Variants in B4GALNT3 observed in about 807,000 individuals in gnomAD.
B4GALNT3 encodes beta-1,4-N-acetylgalactosaminyltransferase 3.
B4GALNT3 carries 86 observed loss-of-function variants against 120.2 expected under a neutral mutation model. The ratio of observed to expected loss-of-function variants is 0.72; its 90% CI spans 0.60 to 0.86. The LOEUF (loss-of-function observed/expected upper bound fraction) is 0.86, where lower values mean the gene tolerates loss of function less well. Ranked by LOEUF, B4GALNT3 falls within the 40% of genes least tolerant of loss-of-function variation. The pLI is 0.00. For missense variants in B4GALNT3, 1,167 were observed against 1,298.9 expected (o/e 0.90, Z 1.56); for synonymous variants, 518 against 510.4 (o/e 1.01, Z -0.20).
Position 460,616 on chromosome 12 carries a change from C to T in B4GALNT3, c.169+71C>T. ...GCGGCGGCTCCTGCGTTGGGGGGAC[C>T]CGCCTCTCATCCCATCCTCAGACCC... On this transcript the variant is annotated intron_variant, in intron 1 of 19. Coordinates refer to ENST00000266383, the MANE Select transcript of B4GALNT3 (RefSeq NM_173593.4). The surrounding 1 kb of genome is among the most constrained non-coding windows in gnomAD (Gnocchi z 8.0). 2 of 1,257,816 alleles carry T rather than the reference C, an allele frequency of 1.6e-6. No homozygotes were observed. Among genetic ancestry groups the T allele is most frequent in the Non-Finnish European group, 2.0e-6 (2 of 983,412 alleles). 77.9% of individuals were successfully genotyped at this position (1,257,816 alleles called of 1,614,324 possible). A position where few individuals can be genotyped will look rare whatever the true frequency, so the allele number is the denominator to read the frequency against.
chr12:542,943 G>A (rs1370785653), intron 3 of B4GALNT3, among the ~76,000 whole-genome samples: 1 of 152,056 alleles, frequency 6.6e-6, no homozygotes, highest in Non-Finnish European at 1.5e-5. Context: ...AGGTTTCACC[G>A]GCAGACAGCT....
At chr12:468,436 C>G (rs1467948669) in intron 1 of B4GALNT3, among the ~76,000 whole-genome samples, 10 of 152,160 alleles carry the variant, frequency 6.6e-5, no homozygotes, top group African/African-American at 2.2e-4. Flanking sequence ...AAGAAGACTA[C>G]CAAAAGCTTA....
chr12:505,869 CCCTCTCCCATGAAGAGCCCT>C (rs2120554046), intron 1 of B4GALNT3, among the ~76,000 whole-genome samples: 1 of 152,314 alleles, frequency 6.6e-6, no homozygotes, highest in South Asian at 2.1e-4. Flanking sequence ...GGATTTTAAA[CCCTCTCCCATGAAGAGCCCT>C]AGATCAGTGA....
At chr12:514,984 C>T (rs1263305324) in intron 1 of B4GALNT3, among the ~76,000 whole-genome samples, 1 of 152,100 alleles carries the variant, frequency 6.6e-6, no homozygotes, top group African/African-American at 2.4e-5. Flanking sequence ...CACCACTGCA[C>T]TTGAGCCTGG....
intron 13 of B4GALNT3, 139 bp downstream of exon 13, chr12:552,667 A>G: frequency 1.4e-6 from 1 of 731,812 alleles, no homozygotes; most frequent in Non-Finnish European, 2.3e-6. Flanking sequence ...CTTCACACCC[A>G]AGGGAGTGGA....
chr12:489,916 C>T (rs1473922418), intron 1 of B4GALNT3, among the ~76,000 whole-genome samples: 1 of 152,192 alleles, frequency 6.6e-6, no homozygotes, highest in African/African-American at 2.4e-5. Flanking sequence ...AATGTCTGAT[C>T]TCAGACCACG....
intron 1 of B4GALNT3, among the ~76,000 whole-genome samples, chr12:503,952 C>CA (rs1380244621): frequency 6.6e-6 from 1 of 151,824 alleles, no homozygotes; most frequent in Non-Finnish European, 1.5e-5. Flanking sequence ...CCGTCTCTAC[C>CA]AAAAATACAA....
intron 9 of B4GALNT3, 119 bp from the exon 10 acceptor site, chr12:549,650 T>G (rs1292191532): frequency 7.6e-7 from 1 of 1,307,482 alleles, no homozygotes; most frequent in East Asian, 2.4e-5. Flanking sequence ...GCGCACATCC[T>G]ACACCGTCGC....
chr12:474,296 TG>T (rs34099643), intron 1 of B4GALNT3, among the ~76,000 whole-genome samples: 11 of 152,154 alleles, frequency 7.2e-5, no homozygotes, highest in African/African-American at 2.4e-4. Context: ...TATGGGGGGA[TG>T]GGGGATGTCC....
Position 460,879 on chromosome 12 carries a change from C to A in B4GALNT3, c.169+334C>A, listed in dbSNP as rs945240301. On this transcript the variant is annotated intron_variant, in intron 1 of 19. Coordinates refer to ENST00000266383, the MANE Select transcript of B4GALNT3 (RefSeq NM_173593.4). The surrounding 1 kb of genome is among the most constrained non-coding windows in gnomAD (Gnocchi z 8.0). ...CTGGCGGAGACCGGGCCCCTCCAGC[C>A]GCTCCGGGCTTGCGGTTCCCGGGGA... is the stretch of plus-strand genomic sequence containing the variant. Among the ~76,000 whole-genome samples, 1 of 152,138 alleles carries A rather than the reference C, an allele frequency of 6.6e-6. No individual in the cohort carries two copies. The highest frequency in any genetic ancestry group is 1.5e-5 in the Non-Finnish European group (1 of 68,004).
At chr12:531,196 A>C (rs926177234) in intron 1 of B4GALNT3, among the ~76,000 whole-genome samples, 2 of 151,716 alleles carry the variant, frequency 1.3e-5, no homozygotes, top group African/African-American at 4.8e-5. Flanking sequence ...AATGCACAGC[A>C]CAGCGCCTGA....
rs1298108154 is a variant in B4GALNT3, at chr12:558,523, A to G, written c.2623A>G (p.Ile875Val). Reference protein sequence around the residue: ...IDLVKDPHSIIFLCDLHIHFP... With the variant: ...IDLVKDPHSIVFLCDLHIHFP... The stretch of plus-strand genomic sequence containing the variant: ...CTGTCCCCAGGACCCGCACAGCATC[A>G]TCTTCCTCTGTGACCTCCACATCCA... Residue 875 changes from isoleucine (I) to valine (V), a missense_variant, in exon 18 of 20, where the codon ATC becomes GTC. This residue lies in a region of B4GALNT3 where 983 missense variants were observed against 1,102.5 expected (regional missense o/e 0.89). Transcript: ENST00000266383. 1.9e-6 allele frequency: 3 copies of G among 1,614,104 alleles called. No individual in the cohort carries two copies. Among genetic ancestry groups the G allele is most frequent in the South Asian group, 1.1e-5 (1 of 91,082 alleles).
rs1178377380 is a variant in B4GALNT3 at position 553,726 on chromosome 12, A to G, written c.1803A>G (p.Gly601=). Residue 601 remains glycine, a synonymous_variant, in exon 14 of 20, where the codon GGA becomes GGG. Transcript: ENST00000266383. ...TGGTGGCGGCCGCAGGCCAGGAAGG[A>G]CAAGTGGAGGGAGAGGAAGAGGGGG... ...EEVVAAAGQE[G]QVEGEEEGEE... 1.9e-6 allele frequency: 3 copies of G among 1,614,136 alleles called. No homozygotes were observed. The highest frequency in any genetic ancestry group is 2.5e-6 in the Non-Finnish European group (3 of 1,179,976).
chr12:500,134 CT>C lies in B4GALNT3; in HGVS notation c.170-35022del, dbSNP rs11404066. The stretch of plus-strand genomic sequence containing the variant: ...ATGCACAAACTTTTAGGAGAAGCAG[CT>C]TTTTTTTTTACGTTTAATTTTTTTA... On this transcript the variant is annotated intron_variant, in intron 1 of 19. Coordinates refer to ENST00000266383, the MANE Select transcript of B4GALNT3 (RefSeq NM_173593.4). 3.7e-4 allele frequency among the ~76,000 whole-genome samples: 56 copies of C among 149,344 alleles called. 1 individual carries two copies. The highest frequency in any genetic ancestry group is 3.5e-3 in the Middle Eastern group (1 of 286).
At chr12:544,814 C>A in intron 4 of B4GALNT3, 68 bp from the exon 5 acceptor site, 1 of 1,520,576 alleles carries the variant, frequency 6.6e-7, no homozygotes. Context: ...GGTCTTCCCG[C>A]CAATCCTGGC....
intron 1 of B4GALNT3, among the ~76,000 whole-genome samples, chr12:465,757 C>CCA (rs1265989475): frequency 1.3e-5 from 2 of 150,710 alleles, no homozygotes; most frequent in Admixed American, 6.6e-5. Flanking sequence ...GGGCTGCCTG[C>CCA]CACTCCCTGT....
intron 1 of B4GALNT3, among the ~76,000 whole-genome samples, chr12:508,964 C>T (rs986626414): frequency 3.3e-5 from 5 of 152,216 alleles, no homozygotes; most frequent in Admixed American, 6.5e-5. Context: ...TGGACAGAGG[C>T]GCATACCTTT....
intron 1 of B4GALNT3, among the ~76,000 whole-genome samples, chr12:503,683 G>A (rs1218596518): frequency 2.6e-5 from 4 of 152,142 alleles, no homozygotes; most frequent in African/African-American, 4.8e-5. Context: ...AGATAAGCTC[G>A]TGATGACTAG....
In B4GALNT3 at chr12:550,310, G is replaced by T. The variant is rs570181699; in HGVS notation, c.997+398G>T. Reference sequence around the variant, plus strand: ...GAGTCTTAATGCATGATTCCTCTTGGGAGTGTTTACATTTTAAAAGACGGC... The same window carrying T: ...GAGTCTTAATGCATGATTCCTCTTGTGAGTGTTTACATTTTAAAAGACGGC... On this transcript the variant is annotated intron_variant, in intron 10 of 19. Transcript: ENST00000266383. This position sits in a 1 kb window ranked among gnomAD's most constrained non-coding sequence, Gnocchi z 4.1. Among the ~76,000 whole-genome samples the T allele has an allele frequency of 1.3e-5, 2 of 152,202 alleles. No individual in the cohort carries two copies. The highest frequency in any genetic ancestry group is 6.5e-5 in the Admixed American group (1 of 15,274).
Sources: allele counts gnomAD v4.1 joint callset (sites outside exome capture counted in the v4.1 genomes callset), GRCh38; gene constraint gnomAD v4.1.1; regional missense constraint gnomAD v4.1.1; non-coding constraint Gnocchi (gnomAD v3.1); transcripts MANE v1.5; gene names NCBI Gene and HGNC (gene_info 2026-07-23, HGNC 2026-07-21).